The following RSPO1 variants were observed in gnomAD, a reference collection of about 807,000 sequenced individuals.
RSPO1 encodes R-spondin 1.
In RSPO1, 18 loss-of-function variants were observed where a neutral mutation model predicts 26.0. That is an observed-to-expected ratio of 0.69 (90% CI 0.48 to 1.03). The LOEUF is 1.03. Ranked by LOEUF, RSPO1 falls within the 50% of genes least tolerant of loss-of-function variation. The pLI is 0.00. For synonymous variants in RSPO1, 133 were observed against 137.4 expected, an observed-to-expected ratio of 0.97 and a Z score of 0.22; for missense variants, 309 against 352.3, an observed-to-expected ratio of 0.88 and a Z score of 0.98.
intron 3 of RSPO1, among the ~76,000 whole-genome samples, chr1:37,619,537 A>C (rs1644168045): frequency 6.6e-6 from 1 of 152,210 alleles, no homozygotes; most frequent in Non-Finnish European, 1.5e-5. Flanking sequence ...AGGAGTTAGG[A>C]AGGAGAGCAA....
Position 37,629,618 on chromosome 1 carries a change from G to T in RSPO1, c.44C>A (p.Thr15Lys). 6.2e-7 allele frequency: 1 copy of T among 1,614,004 alleles called. No individual in the cohort carries two copies. The highest frequency in any genetic ancestry group is 1.1e-5 in the South Asian group (1 of 91,060). ...CCCCCGGCTGCTGATGGTGAGGTGC[G>T]TCCAGCTCAGAACCAGGGCCACCAC... ...LCVVALVLSW[T>K]HLTISSRGIK... The change falls in exon 3 of 7, where the codon ACG becomes AAG. Residue 15 changes from threonine (T) to lysine (K), a missense_variant. Transcript: ENST00000356545.
intron 3 of RSPO1, among the ~76,000 whole-genome samples, chr1:37,619,643 CT>C (rs1644169743): frequency 6.6e-6 from 1 of 152,206 alleles, no homozygotes; most frequent in African/African-American, 2.4e-5. Context: ...TGAGCACTTA[CT>C]CTGTGGCAGG....
In RSPO1 at chr1:37,613,876, G is replaced by A. The variant is rs775962750; in HGVS notation, c.453C>T (p.Ser151=). ...ECSSPAQCEM[S]EWSPWGPCSK... ...AGCAGGGCCCCCACGGAGACCACTCGCTCATTTCACATTGCGCTGGCAGGA... is the reference window on the plus strand; with the variant it reads ...AGCAGGGCCCCCACGGAGACCACTCACTCATTTCACATTGCGCTGGCAGGA... Residue 151 remains serine (S), a synonymous_variant, in exon 6 of 7, where the codon AGC becomes AGT. Coordinates refer to ENST00000356545, the MANE Select transcript of RSPO1 (RefSeq NM_001242908.2). This position sits in a 1 kb window ranked among gnomAD's most constrained non-coding sequence, Gnocchi z 4.5. 2.3e-5 allele frequency: 37 copies of A among 1,614,076 alleles called. No individual in the cohort carries two copies. The highest frequency in any genetic ancestry group is 6.7e-5 in the African/African-American group (5 of 75,046).
chr1:37,616,795 C>G, intron 3 of RSPO1, 120 bp from the exon 4 acceptor site: 1 of 964,708 alleles, frequency 1.0e-6, no homozygotes, highest in Non-Finnish European at 1.6e-6. Flanking sequence ...ATATGCTTCT[C>G]AGAAAGCACC....
intron 3 of RSPO1, among the ~76,000 whole-genome samples, chr1:37,621,802 G>GTT (rs112427832): frequency 6.4e-5 from 9 of 140,612 alleles, no homozygotes; most frequent in South Asian, 2.3e-4. Flanking sequence ...TCTTTTAAGA[G>GTT]TTTTTTTTTT....
intron 3 of RSPO1, among the ~76,000 whole-genome samples, chr1:37,625,554 G>A (rs1399019166): frequency 6.6e-6 from 1 of 152,178 alleles, no homozygotes; most frequent in Non-Finnish European, 1.5e-5. Context: ...GGAGACTGAG[G>A]AAGTGAGTAG....
Position 37,629,818 on chromosome 1 carries a change from G to C in RSPO1, c.-157C>G, listed in dbSNP as rs905563696. The stretch of plus-strand genomic sequence containing the variant: ...CACCATAATCTCAGCTGGGGACAGA[G>C]AGGGTGTGGGGAGCCCAGTTCTCCA... On this transcript the variant is annotated 5_prime_UTR_variant, in exon 3 of 7. Transcript: ENST00000356545. The C allele has an allele frequency of 3.9e-6, 6 of 1,551,024 alleles. No homozygotes were observed. The highest frequency in any genetic ancestry group is 5.2e-6 in the Non-Finnish European group (6 of 1,146,712).
intron 3 of RSPO1, among the ~76,000 whole-genome samples, chr1:37,617,302 A>G (rs1261637055): frequency 6.6e-6 from 1 of 152,152 alleles, no homozygotes; most frequent in South Asian, 2.1e-4. Context: ...TGCATCGGGC[A>G]CAGCAAAGAA....
Position 37,612,802 on chromosome 1 carries a change from G to A in RSPO1, c.745C>T (p.Gln249Ter), listed in dbSNP as rs749525234. 6.8e-6 allele frequency: 11 copies of A among 1,612,960 alleles called. No homozygotes were observed. The highest frequency in any genetic ancestry group is 1.3e-5 in the African/African-American group (1 of 74,922). ...AGTGGCCCCACTGTCCCTTGCTGCT[G>A]CTGCTGTTGCTGCCCCTTGCGTCTT... ...SRRRKGQQQQQQQGTVGPLTS... is the reference protein window; with the variant it reads ...SRRRKGQQQQ The change falls in exon 7 of 7, where the codon CAG becomes TAG. Residue 249 changes from glutamine (Q) to a stop codon, truncating the protein, a stop_gained. Transcript: ENST00000356545. LOFTEE classifies it high-confidence loss of function.
intron 3 of RSPO1, among the ~76,000 whole-genome samples, chr1:37,626,225 G>A (rs1473332863): frequency 1.3e-5 from 2 of 152,002 alleles, no homozygotes; most frequent in Non-Finnish European, 2.9e-5. Context: ...TCTTCTCCCC[G>A]GACCCTCCCC....
Position 37,629,789 on chromosome 1 carries a change from A to G in RSPO1, c.-128T>C. The stretch of plus-strand genomic sequence containing the variant: ...AGGCCCAGGCCTGGGCCGTAGCCCA[A>G]ATCCACCATAATCTCAGCTGGGGAC... On this transcript the variant is annotated 5_prime_UTR_variant, in exon 3 of 7. Coordinates refer to ENST00000356545, the MANE Select transcript of RSPO1 (RefSeq NM_001242908.2). 6.4e-7 allele frequency: 1 copy of G among 1,551,366 alleles called. No homozygotes were observed. The highest frequency in any genetic ancestry group is 1.2e-5 in the South Asian group (1 of 84,226).
chr1:37,630,252 C>G (rs1461765339), intron 2 of RSPO1, among the ~76,000 whole-genome samples: 1 of 152,226 alleles, frequency 6.6e-6, no homozygotes, highest in Non-Finnish European at 1.5e-5. Flanking sequence ...TTGTCCAGCT[C>G]TAACTGGAAG....
chr1:37,625,735 A>G (rs4466613), intron 3 of RSPO1, among the ~76,000 whole-genome samples: 145,242 of 151,170 alleles, frequency 0.96, 69,892 homozygotes, highest in Admixed American at 0.98. Flanking sequence ...CTGGAGTGTA[A>G]TGGCACAATC....
At chr1:37,617,730 G>C (rs1644139023) in intron 3 of RSPO1, among the ~76,000 whole-genome samples, 1 of 140,806 alleles carries the variant, frequency 7.1e-6, no homozygotes, top group Non-Finnish European at 1.5e-5. Context: ...TTCCATCCCA[G>C]CATTGAGTCT....
chr1:37,612,499 G>GGT lies in RSPO1; in HGVS notation c.*254_*255dup, dbSNP rs139353088. The GGT allele has an allele frequency of 0.42, 211,700 of 500,148 alleles. 21,530 individuals are homozygous for GGT. Among genetic ancestry groups the GGT allele is most frequent in the East Asian group, 0.5 (13,741 of 27,506 alleles). 31.0% of individuals were successfully genotyped at this position (500,148 alleles called of 1,614,324 possible). ...ATGGAAGTGTCTTCTGGTGGCCTCA[G>GGT]GTGTGTGTGTGTGTGTGTGTGTATG... On this transcript the variant is annotated 3_prime_UTR_variant, in exon 7 of 7. Coordinates refer to ENST00000356545, the MANE Select transcript of RSPO1 (RefSeq NM_001242908.2).
At chr1:37,629,991 T>C (rs1283868507) in intron 2 of RSPO1, 42 bp from the exon 3 acceptor site, 2 of 880,392 alleles carry the variant, frequency 2.3e-6, no homozygotes, top group Non-Finnish European at 3.7e-6. Context: ...TGTAGTACCA[T>C]GAACACTCCC....
intron 3 of RSPO1, 42 bp from the exon 4 acceptor site, chr1:37,616,717 AACCTC>A (rs1466458401): frequency 6.5e-7 from 1 of 1,534,822 alleles, no homozygotes; most frequent in Non-Finnish European, 9.0e-7. Flanking sequence ...CTGTGGAGAG[AACCTC>A]ACCTATCCAG....
intron 2 of RSPO1, among the ~76,000 whole-genome samples, chr1:37,630,775 T>G (rs567178347): frequency 2.0e-5 from 3 of 152,262 alleles, no homozygotes; most frequent in Non-Finnish European, 4.4e-5. Flanking sequence ...ATCACACACA[T>G]GCTCTGATGC....
In RSPO1 at chr1:37,613,982, C is replaced by T. The variant is rs1012479046; in HGVS notation, c.437-90G>A. On this transcript the variant is annotated intron_variant, in intron 5 of 6. Coordinates refer to ENST00000356545, the MANE Select transcript of RSPO1 (RefSeq NM_001242908.2). This position sits in a 1 kb window ranked among gnomAD's most constrained non-coding sequence, Gnocchi z 4.5. ...CCCAGAATAGCCCAGGGGAGCATCT[C>T]CCACTTTCCTTCTGCCTGGACCTGA... 2 of 1,467,824 alleles carry T rather than the reference C, an allele frequency of 1.4e-6. No homozygotes were observed. The highest frequency in any genetic ancestry group is 1.7e-5 in the Admixed American group (1 of 59,078). The allele number at this position is 1,467,824 out of a possible 1,614,324, so 90.9% of individuals were successfully genotyped here. A position where few individuals can be genotyped will look rare whatever the true frequency, so the allele number is the denominator to read the frequency against.
Sources: allele counts gnomAD v4.1 joint callset (sites outside exome capture counted in the v4.1 genomes callset), GRCh38; gene constraint gnomAD v4.1.1; non-coding constraint Gnocchi (gnomAD v3.1); transcripts MANE v1.5; gene names NCBI Gene and HGNC (gene_info 2026-07-23, HGNC 2026-07-21).